ESR2: variants seen among roughly 807,000 people sequenced by gnomAD.
ESR2 encodes the protein estrogen receptor beta.
ESR2 carries 36 observed loss-of-function variants against 49.6 expected under a neutral mutation model. The observed-to-expected ratio is 0.73, with a 90% confidence interval of 0.56 to 0.96. The LOEUF is 0.96. Ranked by LOEUF, ESR2 falls within the 40% of genes least tolerant of loss-of-function variation. ESR2 has a pLI of 0.00. For synonymous variants in ESR2, 320 were observed against 266.1 expected (o/e 1.20, Z -1.97); for missense variants, 714 against 693.0 (o/e 1.03, Z -0.34).
intron 1 of ESR2, among the ~76,000 whole-genome samples, chr14:64,319,527 C>G (rs1241278551): frequency 1.3e-5 from 2 of 152,030 alleles, no homozygotes; most frequent in Non-Finnish European, 2.9e-5. Flanking sequence ...AAAGATATAT[C>G]TGATAAAGGA....
intron 1 of ESR2, among the ~76,000 whole-genome samples, chr14:64,288,348 CTTTTTT>C (rs10560135): frequency 2.3e-5 from 3 of 131,366 alleles, no homozygotes; most frequent in Admixed American, 7.5e-5. Context: ...AAAGACTACA[CTTTTTT>C]TTTTTTTTTT....
intron 3 of ESR2, among the ~76,000 whole-genome samples, chr14:64,274,969 G>T (rs1200360157): frequency 1.3e-5 from 2 of 152,146 alleles, no homozygotes; most frequent in Non-Finnish European, 2.9e-5. Context: ...TGCTTGATTT[G>T]ATTCCAGTTT....
chr14:64,267,373 C>CAAT (rs2076353417), intron 4 of ESR2, among the ~76,000 whole-genome samples: 2 of 152,010 alleles, frequency 1.3e-5, no homozygotes, highest in African/African-American at 4.8e-5. Flanking sequence ...AGAGAATAAC[C>CAAT]AATAATACAC....
rs200668548 is a variant in ESR2 at position 64,311,811 on chromosome 14, T to TA, written c.-91+26086dup. 2.3e-3 allele frequency among the ~76,000 whole-genome samples: 340 copies of TA among 149,344 alleles called. 3 individuals are homozygous for TA. The highest frequency in any genetic ancestry group is 3.5e-3 in the East Asian group (18 of 5,126). On this transcript the variant is annotated intron_variant, in intron 1 of 8. Transcript: ENST00000358599. ...CTAGGTGACAGCAATACCCCATCTC[T>TA]AAAAAAAAACAAAAACAAAAACAAA...
At chr14:64,252,857 A>T (rs2076016034) in intron 6 of ESR2, among the ~76,000 whole-genome samples, 1 of 151,772 alleles carries the variant, frequency 6.6e-6, no homozygotes, top group African/African-American at 2.4e-5. Context: ...ATTACTTGAC[A>T]ATCACTTTTT....
At chr14:64,242,356 C>T (rs1477319549) in intron 7 of ESR2, among the ~76,000 whole-genome samples, 1 of 150,506 alleles carries the variant, frequency 6.6e-6, no homozygotes, top group Admixed American at 6.6e-5. Context: ...GCGGTGAGCC[C>T]TGAGATAGCA....
At chr14:64,302,424 T>C (rs2140868355) in intron 1 of ESR2, among the ~76,000 whole-genome samples, 1 of 151,864 alleles carries the variant, frequency 6.6e-6, no homozygotes, top group African/African-American at 2.4e-5. Flanking sequence ...CTTGATCTCG[T>C]GATCCACCCG....
intron 1 of ESR2, among the ~76,000 whole-genome samples, chr14:64,313,272 C>T (rs2077205606): frequency 6.6e-6 from 1 of 151,946 alleles, no homozygotes; most frequent in South Asian, 2.1e-4. Context: ...ATAGCTCATG[C>T]CTATAATCCC....
chr14:64,321,619 G>C (rs938209462), intron 1 of ESR2, among the ~76,000 whole-genome samples: 10 of 152,158 alleles, frequency 6.6e-5, no homozygotes, highest in African/African-American at 2.4e-4. Flanking sequence ...TAAGAAATTT[G>C]ATTAGCACAA....
chr14:64,280,178 TG>T (rs2076636222), intron 2 of ESR2, 25 bp from the exon 3 acceptor site: 2 of 1,593,092 alleles, frequency 1.3e-6, no homozygotes, highest in Non-Finnish European at 8.6e-7. Flanking sequence ...AAATATCCAT[TG>T]AACAGAGCAT....
intron 1 of ESR2, among the ~76,000 whole-genome samples, chr14:64,311,043 T>C (rs2077182571): frequency 1.3e-5 from 2 of 152,132 alleles, no homozygotes. Flanking sequence ...TCATATTAGA[T>C]TTTTACTCAC....
rs1473905870 is a variant in ESR2, at chr14:64,294,082, C to A, written c.-140G>T. 6.6e-6 allele frequency: 1 copy of A among 152,178 alleles called. No individual in the cohort carries two copies. Among genetic ancestry groups the A allele is most frequent in the Non-Finnish European group, 1.5e-5 (1 of 68,110 alleles). 9.4% of individuals were successfully genotyped at this position (152,178 alleles called of 1,614,324 possible). ...GCCTTCTCTAAAATGCGGACACGTG[C>A]TTTTCCCGCATTAGGGGGGGTCTCC... On this transcript the variant is annotated 5_prime_UTR_variant, in exon 1 of 9. Transcript: ENST00000341099.
In ESR2 at chr14:64,229,782, G is replaced by A. The variant is rs959958698; in HGVS notation, c.*3355C>T. ...GCAGTTATTATAATAAGGATTAAAT[G>A]TGAATGTCTGAGGCACTGAGAACTG... On this transcript the variant is annotated 3_prime_UTR_variant, in exon 9 of 9. Transcript: ENST00000341099. 1.4e-4 allele frequency among the ~76,000 whole-genome samples: 21 copies of A among 152,158 alleles called. No homozygotes were observed. Among genetic ancestry groups the A allele is most frequent in the Non-Finnish European group, 8.8e-5 (6 of 68,036 alleles).
At chr14:64,261,208 A>G (rs1365417549) in intron 4 of ESR2, among the ~76,000 whole-genome samples, 1 of 147,976 alleles carries the variant, frequency 6.8e-6, no homozygotes, top group Non-Finnish European at 1.5e-5. Context: ...AAACTCTTTC[A>G]GTCTTTTTAA....
chr14:64,234,889 C>G, intron 8 of ESR2, 81 bp downstream of exon 8: 4 of 1,561,860 alleles, frequency 2.6e-6, no homozygotes, highest in Non-Finnish European at 3.5e-6. Flanking sequence ...CTTGCAGACA[C>G]TTTTCCCAAA....
Position 64,260,335 on chromosome 14 carries a change from C to G in ESR2, c.952+114G>C, listed in dbSNP as rs939416160. 155 of 1,042,608 alleles carry G rather than the reference C, an allele frequency of 1.5e-4. 4 individuals are homozygous for G. The highest frequency in any genetic ancestry group is 7.3e-4 in the South Asian group (56 of 76,422). The allele number at this position is 1,042,608 out of a possible 1,614,324, so 64.6% of individuals were successfully genotyped here. Reference sequence around the variant, plus strand: ...AAAAGTTACAAATCCAGCTGAGGACCTGTTAAATATCTAGGCACAGCTCAT... The same window carrying G: ...AAAAGTTACAAATCCAGCTGAGGACGTGTTAAATATCTAGGCACAGCTCAT... On this transcript the variant is annotated intron_variant, in intron 5 of 8. Transcript: ENST00000341099.
At chr14:64,314,953 T>C (rs2077235033) in intron 1 of ESR2, among the ~76,000 whole-genome samples, 1 of 130,704 alleles carries the variant, frequency 7.7e-6, no homozygotes, top group African/African-American at 2.9e-5. Context: ...AAAGCACAAA[T>C]GAGAGAAGAC....
At chr14:64,258,293 A>G (rs1271224293) in intron 5 of ESR2, among the ~76,000 whole-genome samples, 2 of 152,252 alleles carry the variant, frequency 1.3e-5, no homozygotes, top group Non-Finnish European at 2.9e-5. Context: ...TGTTGGTCAC[A>G]GTACTGTTTG....
rs546540967 is a variant in ESR2 at position 64,313,734 on chromosome 14, C to T, written c.-91+24164G>A. Among the ~76,000 whole-genome samples the T allele has an allele frequency of 2.0e-5, 3 of 151,506 alleles. No individual in the cohort carries two copies. The South Asian group carries it at 6.3e-4, about 32-fold the overall frequency. On this transcript the variant is annotated intron_variant, in intron 1 of 8. Transcript: ENST00000358599. The stretch of plus-strand genomic sequence containing the variant: ...CTACCAAAAATACAAAAAAAATTAG[C>T]CAGGCGTGGTGGCGGGTGCCTGTAG...
Sources: allele counts gnomAD v4.1 joint callset (sites outside exome capture counted in the v4.1 genomes callset), GRCh38; gene constraint gnomAD v4.1.1; transcripts MANE v1.5; gene names NCBI Gene and HGNC (gene_info 2026-07-23, HGNC 2026-07-21).